Variants in ABCC6 observed in about 807,000 individuals in gnomAD.
ABCC6 encodes the protein ATP binding cassette subfamily C member 6, also known as ATP-binding cassette sub-family C member 6.
ABCC6 carries 126 observed loss-of-function variants against 169.5 expected under a neutral mutation model. The ratio of observed to expected loss-of-function variants is 0.74; its 90% CI spans 0.64 to 0.86. The LOEUF (loss-of-function observed/expected upper bound fraction) is 0.86, where lower values mean the gene tolerates loss of function less well. ABCC6 is among the 40% of genes least tolerant of loss of function. The pLI is 0.00. For missense variants in ABCC6, 1,733 were observed against 1,927.2 expected, an observed-to-expected ratio of 0.90 and a Z score of 1.89; for synonymous variants, 752 against 814.7, an observed-to-expected ratio of 0.92 and a Z score of 1.31.
Position 16,198,112 on chromosome 16 carries a change from T to C in ABCC6, c.1247A>G (p.Asp416Gly), listed in dbSNP as rs761923987. The C allele has an allele frequency of 7.4e-6, 12 of 1,612,926 alleles. No homozygotes were observed. Among genetic ancestry groups the C allele is most frequent in the South Asian group, 6.6e-5 (6 of 90,742 alleles). ...GACGCTCTCGGTCAGCCGCTGCACG[T>C]CCACGGACACCAGATTGACCACATC... ...VGDVVNLVSV[D>G]VQRLTESVLY... The change falls in exon 10 of 31, where the codon GAC (aspartate) becomes GGC (glycine). Residue 416 changes from aspartate to glycine, a missense_variant. Coordinates refer to ENST00000205557, the MANE Select transcript of ABCC6 (RefSeq NM_001171.6).
Position 16,154,978 on chromosome 16 carries a change from C to A in ABCC6, c.3936G>T (p.Leu1312=). ...CCTCAGCTGCCTCCTGGAGCCGCAGCAGCCCACTGGCCAGGGAGGACTTCC... is the reference window on the plus strand; with the variant it reads ...CCTCAGCTGCCTCCTGGAGCCGCAGAAGCCCACTGGCCAGGGAGGACTTCC... ...GAGKSSLASG[L]LRLQEAAEGG... The change falls in exon 28 of 31, where the codon CTG becomes CTT. Residue 1312 remains leucine (L), a synonymous_variant. Coordinates refer to ENST00000205557, the MANE Select transcript of ABCC6 (RefSeq NM_001171.6). 6.3e-7 allele frequency: 1 copy of A among 1,575,270 alleles called. No individual in the cohort carries two copies. Among genetic ancestry groups the A allele is most frequent in the African/African-American group, 1.3e-5 (1 of 74,106 alleles).
At chr16:16,214,103 G>A (rs537855513) in intron 5 of ABCC6, among the ~76,000 whole-genome samples, 1 of 152,300 alleles carries the variant, frequency 6.6e-6, no homozygotes, top group East Asian at 1.9e-4. Context: ...CAATGGCAGA[G>A]TTGAGTAATT....
chr16:16,177,444 C>A lies in ABCC6; in HGVS notation c.2590+8G>T, dbSNP rs761047915. 1.2e-6 allele frequency: 2 copies of A among 1,614,074 alleles called. No homozygotes were observed. The highest frequency in any genetic ancestry group is 2.2e-5 in the South Asian group (2 of 91,090). On this transcript the variant is annotated splice_region_variant and intron_variant, in intron 19 of 30. Coordinates refer to ENST00000205557, the MANE Select transcript of ABCC6 (RefSeq NM_001171.6). ...AGGCCTGGAGAATCAGCAAAGCCCA[C>A]CTAGTACCTCCTTCTCCTCTATCTC... is the stretch of plus-strand genomic sequence containing the variant.
At position 16,182,498 on chromosome 16, in the gene ABCC6, AG is replaced by A; in HGVS notation, c.2160del (p.Trp721GlyfsTer6). On this transcript the variant is annotated frameshift_variant, in exon 17 of 31. Coordinates refer to ENST00000205557, the MANE Select transcript of ABCC6 (RefSeq NM_001171.6). LOFTEE classifies it high-confidence loss of function. Reference sequence around the variant, plus strand: ...CAGGCTTCTAGTACTCTCTCCAGCCAGGGTGGGTCCAGCTCCTGCCCGAAGC... The same window carrying A: ...CAGGCTTCTAGTACTCTCTCCAGCCAGGTGGGTCCAGCTCCTGCCCGAAGC... ...NVCFGQELDP[P>X]WLERVLEACA... is the part of the protein sequence containing the mutation. 6 of 1,614,206 alleles carry A rather than the reference AG, an allele frequency of 3.7e-6. No homozygotes were observed. The highest frequency in any genetic ancestry group is 5.1e-6 in the Non-Finnish European group (6 of 1,180,032).
rs1350569645 is a variant in ABCC6, at chr16:16,192,889, C to T, written c.1372G>A (p.Val458Ile). 1.2e-6 allele frequency: 2 copies of T among 1,614,120 alleles called. No individual in the cohort carries two copies. Among genetic ancestry groups the T allele is most frequent in the Admixed American group, 1.7e-5 (1 of 60,014 alleles). Residue 458 changes from valine (V) to isoleucine (I), a missense_variant, in exon 11 of 31, where the codon GTC becomes ATC. Physicochemically the swap from Val to Ile is conservative, Grantham distance 29 (BLOSUM62 3). Around this residue, in one of 5 missense-constraint regions of ABCC6, gnomAD observed 1,601 missense variants for 1,635.5 expected, o/e 0.98. Coordinates refer to ENST00000205557, the MANE Select transcript of ABCC6 (RefSeq NM_001171.6). ...LGPSALTAIA[V>I]FLSLLPLNFF... is the part of the protein sequence containing the mutation. ...TTCAGAGGGAGGAGGCTCAGGAAGA[C>T]AGCGATGGCAGTGAGGGCGGAGGGC...
At chr16:16,222,588 T>G (rs959848735) in intron 1 of ABCC6, among the ~76,000 whole-genome samples, 1 of 151,876 alleles carries the variant, frequency 6.6e-6, no homozygotes, top group Admixed American at 6.6e-5. Flanking sequence ...GGGGTCTCTC[T>G]ATGCTGGTCT....
intron 10 of ABCC6, among the ~76,000 whole-genome samples, chr16:16,196,087 G>A (rs955856636): frequency 2.0e-5 from 3 of 151,774 alleles, no homozygotes; most frequent in Admixed American, 6.6e-5. Context: ...GTGCACGCCT[G>A]TAATCCCAGC....
At chr16:16,153,618 T>A (rs1020171269) in intron 29 of ABCC6, among the ~76,000 whole-genome samples, 24 of 152,054 alleles carry the variant, frequency 1.6e-4, no homozygotes, top group Non-Finnish European at 3.2e-4. Context: ...CTACAGAAAC[T>A]ATACACTGAA....
At chr16:16,182,775 C>A (rs1453342264) in intron 16 of ABCC6, 29 bp downstream of exon 16, 3 of 1,613,480 alleles carry the variant, frequency 1.9e-6, no homozygotes, top group Non-Finnish European at 2.5e-6. Context: ...ATGGGGACAT[C>A]CTAGCAGACA....
At position 16,208,773 on chromosome 16, in the gene ABCC6, G is replaced by C. The variant is rs1360228269; in HGVS notation, c.749C>G (p.Ser250Cys). 1.2e-6 allele frequency: 2 copies of C among 1,613,476 alleles called. No individual in the cohort carries two copies. The highest frequency in any genetic ancestry group is 8.5e-7 in the Non-Finnish European group (1 of 1,179,790). The change falls in exon 7 of 31, where the codon TCC becomes TGC. Residue 250 changes from serine (S) to cysteine (C), a missense_variant. By Grantham distance (112) the Ser-to-Cys change is moderately radical (BLOSUM62 -1). This residue lies in a region of ABCC6 where 1,601 missense variants were observed against 1,635.5 expected (regional missense o/e 0.98). Transcript: ENST00000205557. ...GRENSSEELV[S>C]RLEKEWMRNR... The stretch of plus-strand genomic sequence containing the variant: ...CCTCATCCACTCCTTTTCAAGCCGG[G>C]AAACAAGTTCTTCTGAGGAGTTTTC...
intron 4 of ABCC6, among the ~76,000 whole-genome samples, chr16:16,214,997 A>G (rs1374651624): frequency 2.6e-5 from 4 of 152,200 alleles, no homozygotes; most frequent in East Asian, 1.9e-4. Context: ...CCTTAGCCAC[A>G]TGATGATTGG....
intron 9 of ABCC6, 84 bp from the exon 10 acceptor site, chr16:16,198,266 C>A (rs2048122725): frequency 6.9e-7 from 1 of 1,458,550 alleles, no homozygotes; most frequent in Non-Finnish European, 9.3e-7. Context: ...CCCACTGAGC[C>A]CCACCTCACA....
chr16:16,195,303 ATTTTTTTTTTTT>A (rs61393724), intron 10 of ABCC6, among the ~76,000 whole-genome samples: 21 of 96,614 alleles, frequency 2.2e-4, no homozygotes, highest in Admixed American at 3.7e-4. Flanking sequence ...GTCTCATCTA[ATTTTTTTTTTTT>A]TTTTTTTTTT....
chr16:16,173,653 G>A (rs2047181507), intron 20 of ABCC6, among the ~76,000 whole-genome samples: 1 of 151,386 alleles, frequency 6.6e-6, no homozygotes, highest in Admixed American at 6.6e-5. Context: ...TTCACAGGAT[G>A]AACTTAACTT....
At chr16:16,167,255 A>G (rs2046907128) in intron 22 of ABCC6, among the ~76,000 whole-genome samples, 1 of 152,196 alleles carries the variant, frequency 6.6e-6, no homozygotes, top group Non-Finnish European at 1.5e-5. Flanking sequence ...GAAAAGTGGT[A>G]CTTGGTTGTT....
chr16:16,205,836 G>A (rs2048375829), intron 7 of ABCC6, among the ~76,000 whole-genome samples: 1 of 152,082 alleles, frequency 6.6e-6, no homozygotes, highest in South Asian at 2.1e-4. Flanking sequence ...ATAAACACTT[G>A]TCAAATGAAT....
chr16:16,208,662 G>A (rs1180336507), intron 7 of ABCC6, 66 bp downstream of exon 7: 4 of 1,611,002 alleles, frequency 2.5e-6, no homozygotes, highest in Non-Finnish European at 3.4e-6. Flanking sequence ...GTGAGCCACC[G>A]CACCCGGCCA....
chr16:16,187,920 T>C (rs1392008854), intron 13 of ABCC6, among the ~76,000 whole-genome samples: 1 of 146,394 alleles, frequency 6.8e-6, no homozygotes, highest in African/African-American at 2.5e-5. Flanking sequence ...AATAAATAAA[T>C]AAATAAATAA....
At chr16:16,181,344 GAAAAAAAAAA>G (rs749040729) in intron 17 of ABCC6, among the ~76,000 whole-genome samples, 1 of 78,438 alleles carries the variant, frequency 1.3e-5, no homozygotes, top group Non-Finnish European at 2.6e-5. Context: ...CTCCGTCTCA[GAAAAAAAAAA>G]AAAAAAAAAA....
Sources: gnomAD v4.1 joint callset for allele counts (sites outside exome capture counted in the v4.1 genomes callset) on GRCh38, gnomAD v4.1.1 for gene constraint, gnomAD v4.1.1 regional missense constraint, MANE v1.5 for transcripts, NCBI Gene and HGNC (gene_info 2026-07-23, HGNC 2026-07-21) for gene names.